Variants in NEK10 observed in about 807,000 individuals in gnomAD.
The protein encoded by NEK10 is serine/threonine-protein kinase Nek10.
Under a neutral mutation model 159.8 loss-of-function variants are expected in NEK10, and 122 were observed. The observed-to-expected ratio is 0.76, with a 90% confidence interval of 0.66 to 0.89. NEK10 has a LOEUF of 0.89. Ranked by LOEUF, NEK10 falls within the 40% of genes least tolerant of loss-of-function variation. NEK10 has a pLI of 0.00. For missense variants in NEK10, 1,342 were observed against 1,323.1 expected (o/e 1.01, Z -0.22); for synonymous variants, 466 against 457.1 (o/e 1.02, Z -0.25).
chr3:27,263,765 C>T (rs912531471), intron 22 of NEK10, among the ~76,000 whole-genome samples: 14 of 152,162 alleles, frequency 9.2e-5, no homozygotes, highest in East Asian at 5.8e-4. Context: ...TTACACTTCC[C>T]GGGTGAGGCA....
rs1939276876 is a variant in NEK10 at position 27,109,233 on chromosome 3, G to C, written c.*2039C>G. Among the ~76,000 whole-genome samples, 1 of 152,114 alleles carries C rather than the reference G, an allele frequency of 6.6e-6. No individual in the cohort carries two copies. Among genetic ancestry groups the C allele is most frequent in the African/African-American group, 2.4e-5 (1 of 41,434 alleles). ...ATCTCTACTAAAAACACAAAAATTA[G>C]CTGGGCATGGCAGCACATGCCTGTA... On this transcript the variant is annotated 3_prime_UTR_variant, in exon 36 of 36. Transcript: ENST00000691995.
At chr3:27,204,813 G>T (rs1559607548) in intron 23 of NEK10, among the ~76,000 whole-genome samples, 1 of 142,702 alleles carries the variant, frequency 7.0e-6, no homozygotes, top group African/African-American at 2.5e-5. Flanking sequence ...ATAGTCATTT[G>T]GGTATATACC....
At chr3:27,240,585 C>G (rs1160203221) in intron 23 of NEK10, among the ~76,000 whole-genome samples, 1 of 151,806 alleles carries the variant, frequency 6.6e-6, no homozygotes, top group Non-Finnish European at 1.5e-5. Context: ...AGTCTTTATT[C>G]AAGGTAGCAG....
At chr3:27,282,935 T>G (rs1414852231) in intron 22 of NEK10, among the ~76,000 whole-genome samples, 1 of 152,028 alleles carries the variant, frequency 6.6e-6, no homozygotes, top group Non-Finnish European at 1.5e-5. Context: ...TTCAAATGAT[T>G]AAGCAAATGT....
intron 26 of NEK10, among the ~76,000 whole-genome samples, chr3:27,181,595 T>C (rs1481446612): frequency 2.0e-5 from 3 of 152,184 alleles, no homozygotes; most frequent in East Asian, 3.9e-4. Flanking sequence ...CCAAATGTCA[T>C]GTAATTATAA....
chr3:27,235,546 C>G (rs1953813833), intron 23 of NEK10, among the ~76,000 whole-genome samples: 1 of 152,118 alleles, frequency 6.6e-6, no homozygotes. Flanking sequence ...AAATGCAAAT[C>G]AAAACCCCAA....
intron 22 of NEK10, among the ~76,000 whole-genome samples, chr3:27,272,203 A>G (rs996170943): frequency 1.3e-5 from 2 of 152,200 alleles, no homozygotes; most frequent in Admixed American, 6.5e-5. Context: ...TTCCAAATTC[A>G]GCTGTAAAGT....
At chr3:27,312,301 T>C (rs2044761591) in intron 7 of NEK10, 124 bp from the exon 8 acceptor site, 1 of 536,586 alleles carries the variant, frequency 1.9e-6, no homozygotes, top group Non-Finnish European at 3.3e-6. Flanking sequence ...CAAATAATAC[T>C]CTCATGCTCC....
chr3:27,274,497 A>G (rs1051046514), intron 22 of NEK10, among the ~76,000 whole-genome samples: 1 of 152,092 alleles, frequency 6.6e-6, no homozygotes, highest in African/African-American at 2.4e-5. Flanking sequence ...CATTCTTCAG[A>G]ATGGGGTTTG....
intron 31 of NEK10, among the ~76,000 whole-genome samples, chr3:27,138,491 G>A (rs548073589): frequency 2.6e-5 from 4 of 152,280 alleles, no homozygotes; most frequent in Non-Finnish European, 5.9e-5. Flanking sequence ...CTCAGCCCTA[G>A]AGGTTGTGAC....
At chr3:27,255,273 C>G in intron 23 of NEK10, 1 of 434,424 alleles carries the variant, frequency 2.3e-6, no homozygotes, top group South Asian at 1.7e-5. Flanking sequence ...TGTTAGCCTG[C>G]CACAGTTTCT....
chr3:27,358,383 A>C (rs2048461328), intron 1 of NEK10, among the ~76,000 whole-genome samples: 1 of 152,218 alleles, frequency 6.6e-6, no homozygotes, highest in Non-Finnish European at 1.5e-5. Flanking sequence ...GTACAGCCCT[A>C]GACAAGTACA....
rs1470527368 is a variant in NEK10 at position 27,108,903 on chromosome 3, C to G, written c.*2369G>C. ...TCTTAGAGACATGGGAAAATATAGA[C>G]TCAGTGATTGTGGTAGTTTAGGGAG... On this transcript the variant is annotated 3_prime_UTR_variant, in exon 36 of 36. Coordinates refer to ENST00000691995, the MANE Select transcript of NEK10 (RefSeq NM_001394966.1). Among the ~76,000 whole-genome samples the G allele has an allele frequency of 2.6e-5, 4 of 152,176 alleles. No homozygotes were observed. Among genetic ancestry groups the G allele is most frequent in the African/African-American group, 9.7e-5 (4 of 41,450 alleles).
intron 5 of NEK10, among the ~76,000 whole-genome samples, chr3:27,324,307 G>T (rs139901446): frequency 1.3e-5 from 2 of 152,316 alleles, no homozygotes; most frequent in East Asian, 3.9e-4. Flanking sequence ...TTTCACATCA[G>T]TTGTTGAGGA....
intron 6 of NEK10, among the ~76,000 whole-genome samples, chr3:27,319,950 C>G (rs1304541743): frequency 6.6e-6 from 1 of 152,136 alleles, no homozygotes; most frequent in Non-Finnish European, 1.5e-5. Flanking sequence ...AGGAAAGGAA[C>G]AGATACCCAT....
intron 7 of NEK10, among the ~76,000 whole-genome samples, chr3:27,313,170 C>G (rs1356346942): frequency 1.3e-5 from 2 of 150,172 alleles, no homozygotes; most frequent in East Asian, 3.9e-4. Context: ...GAGACTGAGG[C>G]ACAAGAATCA....
intron 5 of NEK10, among the ~76,000 whole-genome samples, chr3:27,337,296 A>G (rs1253809412): frequency 6.6e-6 from 1 of 152,208 alleles, no homozygotes; most frequent in Admixed American, 6.5e-5. Flanking sequence ...AAGGAAAACT[A>G]CAAAACACTG....
chr3:27,181,889 C>G (rs1242514410), intron 26 of NEK10, among the ~76,000 whole-genome samples: 1 of 151,996 alleles, frequency 6.6e-6, no homozygotes, highest in Non-Finnish European at 1.5e-5. Context: ...CAAGATTCTC[C>G]ATGTTAAAAC....
intron 6 of NEK10, among the ~76,000 whole-genome samples, chr3:27,319,416 A>G (rs1457281767): frequency 6.6e-6 from 1 of 152,246 alleles, no homozygotes; most frequent in Non-Finnish European, 1.5e-5. Flanking sequence ...GATCCAGTCT[A>G]CAAGCCACCA....
Sources: allele counts gnomAD v4.1 joint callset (sites outside exome capture counted in the v4.1 genomes callset), GRCh38; gene constraint gnomAD v4.1.1; transcripts MANE v1.5; gene names NCBI Gene and HGNC (gene_info 2026-07-23, HGNC 2026-07-21).